LARGE1: variants seen among roughly 807,000 people sequenced by gnomAD.
LARGE1 encodes the protein xylosyl- and glucuronyltransferase LARGE1.
A neutral mutation model predicts 87.6 loss-of-function variants in LARGE1; 43 were observed. That is an observed-to-expected ratio of 0.49 (90% CI 0.38 to 0.63). The LOEUF (loss-of-function observed/expected upper bound fraction) is 0.63. LARGE1 is among the 30% of genes least tolerant of loss of function. The pLI, the probability that LARGE1 is intolerant of heterozygous loss-of-function variation, is 0.00. For missense variants in LARGE1, 802 were observed against 1,000.2 expected, an observed-to-expected ratio of 0.80 and a Z score of 2.67; for synonymous variants, 434 against 394.6, an observed-to-expected ratio of 1.10 and a Z score of -1.18.
chr22:33,650,771 C>T, intron 2 of LARGE1, 103 bp from the exon 3 acceptor site: 1 of 1,300,092 alleles, frequency 7.7e-7, no homozygotes, highest in Non-Finnish European at 1.1e-6. Context: ...GCTCCTTGCA[C>T]AATCCCATGT....
intron 11 of LARGE1, among the ~76,000 whole-genome samples, chr22:33,215,955 C>CA (rs1335485257): frequency 6.6e-6 from 1 of 151,868 alleles, no homozygotes. Flanking sequence ...AACTCCATCT[C>CA]AAAAGAAAAA....
rs1569453493 is a variant in LARGE1 at position 33,805,757 on chromosome 22, AAATG to A, written c.-82-44203_-82-44200del. 1.3e-3 allele frequency among the ~76,000 whole-genome samples: 128 copies of A among 95,110 alleles called. 1 individual carries two copies. The highest frequency in any genetic ancestry group is 3.3e-3 in the East Asian group (7 of 2,104). 62.4% of individuals were successfully genotyped at this position (95,110 alleles called of 152,430 possible). ...TCAAAAAATAAATAAATAAGTAAAT[AAATG>A]AATAAATAAATAAATAAATAAATAA... On this transcript the variant is annotated intron_variant, in intron 1 of 14. Transcript: ENST00000397394.
chr22:33,288,963 T>C (rs980114654), intron 12 of LARGE1, among the ~76,000 whole-genome samples: 2 of 151,904 alleles, frequency 1.3e-5, no homozygotes, highest in Non-Finnish European at 2.9e-5. Flanking sequence ...TTATTATTAT[T>C]ATTATTATTA....
the LARGE1 span, among the ~76,000 whole-genome samples, chr22:33,091,590 A>ATAAG: frequency 2.0e-5 from 3 of 151,656 alleles, no homozygotes; most frequent in Non-Finnish European, 4.4e-5. Flanking sequence ...AAATAAATAA[A>ATAAG]TAAATAAAGA....
At chr22:33,728,401 C>T (rs1189172206) in intron 2 of LARGE1, among the ~76,000 whole-genome samples, 2 of 151,448 alleles carry the variant, frequency 1.3e-5, no homozygotes, top group Non-Finnish European at 2.9e-5. Context: ...TAGCCAGGCA[C>T]GGGGGTGCAT....
intron 9 of LARGE1, among the ~76,000 whole-genome samples, chr22:33,341,674 G>A (rs1378896685): frequency 6.6e-6 from 1 of 152,208 alleles, no homozygotes; most frequent in Non-Finnish European, 1.5e-5. Flanking sequence ...ACAGTAGCCA[G>A]AGTAAGAACT....
intron 1 of LARGE1, among the ~76,000 whole-genome samples, chr22:33,840,781 A>C (rs8136475): frequency 0.85 from 129,637 of 151,996 alleles, 55,415 homozygotes; most frequent in African/African-American, 0.91. Flanking sequence ...TGCTACCATG[A>C]CCATCTAATT....
chr22:33,464,859 A>G (rs1409798030), intron 6 of LARGE1, among the ~76,000 whole-genome samples: 1 of 149,952 alleles, frequency 6.7e-6, no homozygotes, highest in Admixed American at 6.7e-5. Context: ...ATACACACAC[A>G]CTACACACAC....
Position 33,869,942 on chromosome 22 carries a change from T to G in LARGE1, c.-83+50053A>C, listed in dbSNP as rs9621785. On this transcript the variant is annotated intron_variant, in intron 1 of 14. Transcript: ENST00000397394. ...TGTTAGAGGTTCTGGGTTCAATACT[T>G]CATGTGGAGTCTCGCATTTCACCCT... 5.6e-3 allele frequency among the ~76,000 whole-genome samples: 859 copies of G among 152,322 alleles called. 8 individuals carry two copies. Among genetic ancestry groups the G allele is most frequent in the African/African-American group, 0.02 (820 of 41,576 alleles).
intron 1 of LARGE1, among the ~76,000 whole-genome samples, chr22:33,810,447 T>C (rs1029958390): frequency 2.0e-5 from 3 of 152,188 alleles, no homozygotes; most frequent in South Asian, 2.1e-4. Flanking sequence ...GTGGTTCTCA[T>C]ATTGTTCACA....
chr22:33,761,526 G>C lies in LARGE1; in HGVS notation c.-50C>G. On this transcript the variant is annotated 5_prime_UTR_variant, in exon 2 of 15. Coordinates refer to ENST00000397394, the MANE Select transcript of LARGE1 (RefSeq NM_133642.5). ...TCCCAGCGCCGTTTCTCTGTCCGGA[G>C]CATGAAGTCCTCGGCCTCCCTCATA... The C allele has an allele frequency of 6.9e-7, 1 of 1,444,548 alleles. No individual in the cohort carries two copies. The highest frequency in any genetic ancestry group is 9.7e-7 in the Non-Finnish European group (1 of 1,026,386). The allele number at this position is 1,444,548 out of a possible 1,614,324, so 89.5% of individuals were successfully genotyped here.
the LARGE1 span, among the ~76,000 whole-genome samples, chr22:33,140,824 G>A: frequency 6.6e-6 from 1 of 152,044 alleles, no homozygotes; most frequent in Non-Finnish European, 1.5e-5. Context: ...ACGGCCTATT[G>A]TGGGACTTCA....
chr22:33,412,817 T>C (rs1160091999), intron 7 of LARGE1, among the ~76,000 whole-genome samples: 2 of 152,140 alleles, frequency 1.3e-5, no homozygotes, highest in Admixed American at 6.5e-5. Context: ...TGTGACCCCA[T>C]GCTGGGGTAA....
intron 5 of LARGE1, among the ~76,000 whole-genome samples, chr22:33,596,255 A>G (rs1208145522): frequency 6.6e-6 from 1 of 152,216 alleles, no homozygotes; most frequent in Non-Finnish European, 1.5e-5. Flanking sequence ...TAGAGTTTGC[A>G]TTCATTGTCT....
At position 33,610,412 on chromosome 22, in the gene LARGE1, G is replaced by C. The variant is rs560251690; in HGVS notation, c.492-5854C>G. ...GTCACCCTTGATGTGCCTTAGCAAA[G>C]AATGTGACTGTATTGAGTCCATGCC... On this transcript the variant is annotated intron_variant, in intron 4 of 14. Transcript: ENST00000397394. 7.9e-5 allele frequency among the ~76,000 whole-genome samples: 12 copies of C among 152,316 alleles called. 1 individual carries two copies. The South Asian group carries it at 2.5e-3, about 32-fold the overall frequency.
chr22:33,604,788 C>T (rs1190176349), intron 4 of LARGE1, among the ~76,000 whole-genome samples: 2 of 152,168 alleles, frequency 1.3e-5, no homozygotes, highest in African/African-American at 4.8e-5. Flanking sequence ...GACAACCAAC[C>T]ACCAATCACT....
chr22:33,479,509 T>C (rs551725781), intron 6 of LARGE1, among the ~76,000 whole-genome samples: 1 of 152,202 alleles, frequency 6.6e-6, no homozygotes, highest in Non-Finnish European at 1.5e-5. Flanking sequence ...TCAACAGGAC[T>C]AGAACAGTGC....
At chr22:33,899,477 C>T (rs2267315) in intron 1 of LARGE1, among the ~76,000 whole-genome samples, 69,144 of 151,924 alleles carry the variant, frequency 0.46, 16,427 homozygotes, top group East Asian at 0.83. Flanking sequence ...AGTTTTTAGC[C>T]CAGAACTGCA....
At chr22:33,188,164 A>C (rs1346181460) in intron 11 of LARGE1, among the ~76,000 whole-genome samples, 1 of 152,002 alleles carries the variant, frequency 6.6e-6, no homozygotes, top group African/African-American at 2.4e-5. Flanking sequence ...TAATAATTAA[A>C]TAATAAATAA....
Sources: allele counts gnomAD v4.1 joint callset (sites outside exome capture counted in the v4.1 genomes callset), GRCh38; gene constraint gnomAD v4.1.1; transcripts MANE v1.5; gene names NCBI Gene and HGNC (gene_info 2026-07-23, HGNC 2026-07-21).